Variants in CFHR2 observed in about 807,000 individuals in gnomAD.
CFHR2 encodes the protein complement factor H related 2, also known as complement factor H-related protein 2.
A neutral mutation model predicts 21.7 loss-of-function variants in CFHR2; 22 were observed. The observed-to-expected ratio is 1.01, with a 90% CI of 0.72 to 1.45. The LOEUF (loss-of-function observed/expected upper bound fraction) is 1.45. Ranked by LOEUF, CFHR2 falls within the 40% of genes most tolerant of loss-of-function variation. The pLI is 0.00. For missense variants in CFHR2, 294 were observed against 293.3 expected, an observed-to-expected ratio of 1.00 and a Z score of -0.02; for synonymous variants, 98 against 97.4, an observed-to-expected ratio of 1.01 and a Z score of -0.04.
At position 196,959,075 on chromosome 1, in the gene CFHR2, A is replaced by C; in HGVS notation, c.808A>C (p.Lys270Gln). 6.3e-7 allele frequency: 1 copy of C among 1,593,268 alleles called. No homozygotes were observed. The highest frequency in any genetic ancestry group is 8.6e-7 in the Non-Finnish European group (1 of 1,167,084). ...ACTGGTATATCCCAGTTGTGAAGAA[A>C]AATAGAATCAATGGCATTACTATTA... is the stretch of plus-strand genomic sequence containing the variant. ...GKLVYPSCEEK is the reference protein window; with the variant it reads ...GKLVYPSCEEQ Residue 270 changes from lysine to glutamine, a missense_variant, in exon 5 of 5, where the codon AAA (lysine) becomes CAA (glutamine). Lys to Gln is a moderately conservative substitution (Grantham distance 53, BLOSUM62 1). Transcript: ENST00000367415.
intron 4 of CFHR2, 72 bp from the exon 5 acceptor site, chr1:196,958,809 T>A: frequency 2.1e-6 from 2 of 969,696 alleles, no homozygotes; most frequent in Admixed American, 2.3e-5. Context: ...TATAACATTC[T>A]ACTTGAAAAC....
intron 2 of CFHR2, among the ~76,000 whole-genome samples, chr1:196,950,582 T>C (rs144176563): frequency 2.6e-5 from 4 of 152,280 alleles, no homozygotes; most frequent in African/African-American, 4.8e-5. Context: ...CAAGTGATTC[T>C]CCTGTCTCAG....
intron 1 of CFHR2, among the ~76,000 whole-genome samples, chr1:196,947,441 T>G (rs761286029): frequency 4.6e-5 from 7 of 151,838 alleles, no homozygotes; most frequent in Non-Finnish European, 1.0e-4. Context: ...TTTGGAGGAG[T>G]GAAGGATAAC....
At chr1:196,954,480 C>T (rs1174696007) in intron 3 of CFHR2, among the ~76,000 whole-genome samples, 1 of 152,292 alleles carries the variant, frequency 6.6e-6, no homozygotes, top group Non-Finnish European at 1.5e-5. Context: ...AGGAGAGTAG[C>T]CCCCTACTCA....
chr1:196,946,861 C>T lies in CFHR2; in HGVS notation c.59-2594C>T, dbSNP rs1210734211. ...CTATATGAAATACATTAACCAGTAA[C>T]ACTTCTATATTGTCATCATCAAGTA... On this transcript the variant is annotated intron_variant, in intron 1 of 4. Transcript: ENST00000367415. Among the ~76,000 whole-genome samples, 3 of 152,160 alleles carry T rather than the reference C, an allele frequency of 2.0e-5. No individual in the cohort carries two copies. The East Asian group carries it at 5.8e-4, about 29-fold the overall frequency.
intron 3 of CFHR2, among the ~76,000 whole-genome samples, chr1:196,952,584 G>C (rs958884626): frequency 6.6e-6 from 1 of 152,106 alleles, no homozygotes; most frequent in Non-Finnish European, 1.5e-5. Flanking sequence ...TTAGAAGCTT[G>C]ACAAATTAAG....
intron 4 of CFHR2, among the ~76,000 whole-genome samples, chr1:196,958,420 G>C (rs1341811571): frequency 6.6e-6 from 1 of 151,150 alleles, no homozygotes; most frequent in Non-Finnish European, 1.5e-5. Context: ...GTGTGTGAGA[G>C]AGAGAGAGAG....
In CFHR2 at chr1:196,949,604, A is replaced by C; in HGVS notation, c.208A>C (p.Ile70Leu). ...VSPSKSFWTR[I>L]TCAEEGWSPT... ...TCCTTCAAAATCCTTTTGGACTCGC[A>C]TAACGTGCGCAGAAGAAGGATGGTC... is the stretch of plus-strand genomic sequence containing the variant. Residue 70 changes from isoleucine to leucine, a missense_variant, in exon 2 of 5, where the codon ATA becomes CTA. By Grantham distance (5) the Ile-to-Leu change is conservative (BLOSUM62 2). Transcript: ENST00000367415. The C allele has an allele frequency of 1.2e-6, 2 of 1,614,042 alleles. No individual in the cohort carries two copies. The highest frequency in any genetic ancestry group is 1.7e-6 in the Non-Finnish European group (2 of 1,179,944).
intron 1 of CFHR2, 85 bp from the exon 2 acceptor site, chr1:196,949,370 A>G: frequency 7.4e-7 from 1 of 1,350,596 alleles, no homozygotes; most frequent in Non-Finnish European, 1.0e-6. Context: ...AAAGAAAAAA[A>G]CTAAATGAGA....
chr1:196,949,343 G>A, intron 1 of CFHR2, 112 bp from the exon 2 acceptor site: 1 of 1,028,300 alleles, frequency 9.7e-7, no homozygotes, highest in Non-Finnish European at 1.4e-6. Context: ...TTAAGCTAAA[G>A]GCATTTAAGC....
At chr1:196,950,156 A>G (rs1659671788) in intron 2 of CFHR2, among the ~76,000 whole-genome samples, 1 of 152,220 alleles carries the variant, frequency 6.6e-6, no homozygotes, top group Non-Finnish European at 1.5e-5. Context: ...AGAGAAAACA[A>G]CTGGGAGACA....
At chr1:196,951,850 C>G (rs1659739810) in intron 3 of CFHR2, among the ~76,000 whole-genome samples, 1 of 152,070 alleles carries the variant, frequency 6.6e-6, no homozygotes, top group Admixed American at 6.6e-5. Flanking sequence ...AGCACAGAGT[C>G]TAGAAAAGGC....
rs747502703 is a variant in CFHR2 at position 196,949,657 on chromosome 1, A to C, written c.253+8A>C. 2 of 1,613,612 alleles carry C rather than the reference A, an allele frequency of 1.2e-6. No individual in the cohort carries two copies. Among genetic ancestry groups the C allele is most frequent in the Non-Finnish European group, 8.5e-7 (1 of 1,179,624 alleles). The stretch of plus-strand genomic sequence containing the variant: ...CAACACCAAAGTGTCTCAGTGAGTA[A>C]ATGCCCTGTTCATTAAATGGATGTC... On this transcript the variant is annotated splice_region_variant and intron_variant, in intron 2 of 4. Transcript: ENST00000367415.
intron 1 of CFHR2, among the ~76,000 whole-genome samples, chr1:196,947,019 T>C (rs1659526769): frequency 6.6e-6 from 1 of 152,144 alleles, no homozygotes; most frequent in African/African-American, 2.4e-5. Context: ...TATTAGGTGA[T>C]AGGAATTTTT....
chr1:196,958,288 A>C (rs548226964), intron 4 of CFHR2, among the ~76,000 whole-genome samples: 1 of 152,184 alleles, frequency 6.6e-6, no homozygotes, highest in Admixed American at 6.5e-5. Flanking sequence ...TAAAAAGAAT[A>C]CATATTTATT....
At chr1:196,955,273 T>A (rs1652822369) in intron 3 of CFHR2, among the ~76,000 whole-genome samples, 1 of 152,162 alleles carries the variant, frequency 6.6e-6, no homozygotes, top group African/African-American at 2.4e-5. Flanking sequence ...AAGTTTCTCA[T>A]CTCCATCTAA....
chr1:196,959,113 C>A lies in CFHR2; in HGVS notation c.*33C>A, dbSNP rs1157118767. Reference sequence around the variant, plus strand: ...GGCATTACTATTAGTAAAATGCACACCTTTTTCTGAATTTACTATTATATT... The same window carrying A: ...GGCATTACTATTAGTAAAATGCACAACTTTTTCTGAATTTACTATTATATT... On this transcript the variant is annotated 3_prime_UTR_variant, in exon 5 of 5. Coordinates refer to ENST00000367415, the MANE Select transcript of CFHR2 (RefSeq NM_005666.4). 1.5e-6 allele frequency: 2 copies of A among 1,373,196 alleles called. No homozygotes were observed. The highest frequency in any genetic ancestry group is 2.0e-6 in the Non-Finnish European group (2 of 985,892). 85.1% of individuals were successfully genotyped at this position (1,373,196 alleles called of 1,614,324 possible).
At chr1:196,954,114 T>G (rs1447348903) in intron 3 of CFHR2, among the ~76,000 whole-genome samples, 1 of 152,232 alleles carries the variant, frequency 6.6e-6, no homozygotes, top group Non-Finnish European at 1.5e-5. Context: ...TCTTTGATAT[T>G]TAGTTACCCA....
intron 3 of CFHR2, among the ~76,000 whole-genome samples, chr1:196,957,345 C>CCT (rs546160581): frequency 7.1e-6 from 1 of 140,080 alleles, no homozygotes; most frequent in Admixed American, 7.1e-5. Flanking sequence ...TGTTCTTTTC[C>CCT]TTTTTTTTTT....
Sources: gnomAD v4.1 joint callset for allele counts (sites outside exome capture counted in the v4.1 genomes callset) on GRCh38, gnomAD v4.1.1 for gene constraint, MANE v1.5 for transcripts, NCBI Gene and HGNC (gene_info 2026-07-23, HGNC 2026-07-21) for gene names.